PDE3A: variants seen among roughly 807,000 people sequenced by gnomAD.
The protein encoded by PDE3A is phosphodiesterase 3A.
A neutral mutation model predicts 98.3 loss-of-function variants in PDE3A; 43 were observed. The observed-to-expected ratio is 0.44, with a 90% CI of 0.34 to 0.56. PDE3A has a LOEUF of 0.56. Among genes scored for constraint, PDE3A ranks in the 20% least tolerant of loss-of-function variants. The probability of loss-of-function intolerance (pLI) is 0.01; values close to 1 mark genes in which losing one functional copy is unlikely to be tolerated. For synonymous variants in PDE3A, 663 were observed against 567.9 expected (o/e 1.17, Z -2.38); for missense variants, 1,427 against 1,440.7 (o/e 0.99, Z 0.15).
At chr12:20,676,562 T>C (rs1257912752) in intron 15 of PDE3A, among the ~76,000 whole-genome samples, 5 of 147,672 alleles carry the variant, frequency 3.4e-5, no homozygotes, top group African/African-American at 1.2e-4. Flanking sequence ...TGCAGTGGCG[T>C]GATCTCAGCT....
intron 1 of PDE3A, among the ~76,000 whole-genome samples, chr12:20,375,491 G>C (rs974219456): frequency 5.7e-4 from 86 of 151,884 alleles, no homozygotes; most frequent in African/African-American, 1.7e-3. Flanking sequence ...TTGTAGTTTA[G>C]AGGAAGATGT....
intron 6 of PDE3A, among the ~76,000 whole-genome samples, chr12:20,631,109 C>A (rs1944367154): frequency 6.6e-6 from 1 of 152,080 alleles, no homozygotes; most frequent in South Asian, 2.1e-4. Context: ...ATTTTTACCT[C>A]CTTTATCTTT....
At chr12:20,593,473 GA>G (rs548061904) in intron 2 of PDE3A, among the ~76,000 whole-genome samples, 2 of 150,618 alleles carry the variant, frequency 1.3e-5, no homozygotes, top group Admixed American at 6.6e-5. Flanking sequence ...GAAACTAGAA[GA>G]AAAAAATATT....
intron 1 of PDE3A, among the ~76,000 whole-genome samples, chr12:20,415,156 G>A (rs1435086970): frequency 6.6e-6 from 1 of 150,578 alleles, no homozygotes; most frequent in Non-Finnish European, 1.5e-5. Flanking sequence ...CATGCCCATA[G>A]CAGCTGTTTC....
chr12:20,676,563 G>T (rs578253528), intron 15 of PDE3A, among the ~76,000 whole-genome samples: 5 of 142,444 alleles, frequency 3.5e-5, no homozygotes, highest in African/African-American at 1.3e-4. Flanking sequence ...GCAGTGGCGT[G>T]ATCTCAGCTC....
At chr12:20,542,407 TTAGA>T (rs1941938674) in intron 1 of PDE3A, among the ~76,000 whole-genome samples, 1 of 151,218 alleles carries the variant, frequency 6.6e-6, no homozygotes, top group East Asian at 2.0e-4. Context: ...TTCCTTTGAG[TTAGA>T]TAGTTTTTGG....
At chr12:20,440,017 T>A (rs1021730088) in intron 1 of PDE3A, among the ~76,000 whole-genome samples, 1 of 152,200 alleles carries the variant, frequency 6.6e-6, no homozygotes, top group Admixed American at 6.5e-5. Flanking sequence ...TCTGTGTACA[T>A]TCTTTCTGAT....
In PDE3A at chr12:20,522,292, G is replaced by T. The variant is rs144660581; in HGVS notation, c.961-34368G>T. On this transcript the variant is annotated intron_variant, in intron 1 of 15. Coordinates refer to ENST00000359062, the MANE Select transcript of PDE3A (RefSeq NM_000921.5). ...AGTGTTTTTCAAAGTGTGGTTCCCA[G>T]ATCATTAGTATCAGTGTGCTGGGAA... Among the ~76,000 whole-genome samples the T allele has an allele frequency of 9.8e-5, 15 of 152,308 alleles. No individual in the cohort carries two copies. In the East Asian group the frequency reaches 2.7e-3, roughly 27 times the overall value.
At chr12:20,532,813 C>G (rs1411241526) in intron 1 of PDE3A, among the ~76,000 whole-genome samples, 5 of 151,294 alleles carry the variant, frequency 3.3e-5, no homozygotes, top group Non-Finnish European at 7.4e-5. Flanking sequence ...CTCAGCCTCC[C>G]GAGTAGCTGG....
chr12:20,649,100 AT>A (rs57663785), intron 13 of PDE3A, among the ~76,000 whole-genome samples: 52 of 149,420 alleles, frequency 3.5e-4, no homozygotes, highest in South Asian at 2.6e-3. Flanking sequence ...TAATTTTTGT[AT>A]TTTTTTTTTT....
chr12:20,470,601 C>G (rs1288092112), intron 1 of PDE3A, among the ~76,000 whole-genome samples: 1 of 152,096 alleles, frequency 6.6e-6, no homozygotes, highest in Admixed American at 6.6e-5. Flanking sequence ...TTAGGCAGGA[C>G]TAGGGAACAA....
At chr12:20,621,647 T>C (rs376238950) in intron 5 of PDE3A, among the ~76,000 whole-genome samples, 3 of 152,118 alleles carry the variant, frequency 2.0e-5, no homozygotes, top group Non-Finnish European at 4.4e-5. Flanking sequence ...TTTCCTATCT[T>C]GAACTAATTA....
chr12:20,672,095 C>A (rs1945497895), intron 15 of PDE3A, among the ~76,000 whole-genome samples: 1 of 151,506 alleles, frequency 6.6e-6, no homozygotes, highest in African/African-American at 2.4e-5. Flanking sequence ...CTCCCATTCA[C>A]AATTGCTTCA....
intron 1 of PDE3A, among the ~76,000 whole-genome samples, chr12:20,427,933 T>A (rs1591921074): frequency 6.6e-6 from 1 of 152,036 alleles, no homozygotes; most frequent in Non-Finnish European, 1.5e-5. Context: ...AGGCCGGGCA[T>A]GGTGGCTCAT....
chr12:20,530,546 G>A (rs1946606734), intron 1 of PDE3A, among the ~76,000 whole-genome samples: 1 of 149,262 alleles, frequency 6.7e-6, no homozygotes, highest in Non-Finnish European at 1.5e-5. Flanking sequence ...CTGGACTCTA[G>A]CTCCTGAGCT....
intron 1 of PDE3A, among the ~76,000 whole-genome samples, chr12:20,538,512 G>A (rs762142241): frequency 6.6e-5 from 10 of 152,164 alleles, no homozygotes; most frequent in Admixed American, 2.6e-4. Context: ...TAAGGTTGGG[G>A]GAAATAGTTT....
chr12:20,566,899 C>T (rs1942673523), intron 2 of PDE3A, among the ~76,000 whole-genome samples: 1 of 151,874 alleles, frequency 6.6e-6, no homozygotes, highest in African/African-American at 2.4e-5. Context: ...TGTACGGTGA[C>T]TTAGTGCCAT....
chr12:20,629,592 T>G (rs1274623557), intron 5 of PDE3A, among the ~76,000 whole-genome samples: 3 of 152,168 alleles, frequency 2.0e-5, no homozygotes, highest in Non-Finnish European at 4.4e-5. Flanking sequence ...CATGTCAGAA[T>G]GACAAGAAGA....
At chr12:20,460,017 G>C (rs899649013) in intron 1 of PDE3A, among the ~76,000 whole-genome samples, 5 of 152,152 alleles carry the variant, frequency 3.3e-5, no homozygotes, top group South Asian at 2.1e-4. Context: ...CAGTCTTCTA[G>C]GAGCCAATAC....
Sources: allele counts gnomAD v4.1 joint callset (sites outside exome capture counted in the v4.1 genomes callset), GRCh38; gene constraint gnomAD v4.1.1; transcripts MANE v1.5; gene names NCBI Gene and HGNC (gene_info 2026-07-23, HGNC 2026-07-21).